TEF: variants seen among roughly 807,000 people sequenced by gnomAD.
The protein encoded by TEF is TEF transcription factor, PAR bZIP family member.
TEF carries 3 observed loss-of-function variants against 20.8 expected under a neutral mutation model. The observed-to-expected ratio is 0.14, with a 90% CI of 0.07 to 0.37. TEF has a LOEUF of 0.37. Among genes scored for constraint, TEF ranks in the 10% least tolerant of loss-of-function variants. TEF has a pLI of 1.00. For synonymous variants in TEF, 180 were observed against 171.1 expected (o/e 1.05, Z -0.41); for missense variants, 296 against 397.9 (o/e 0.74, Z 2.18).
At chr22:41,375,372 G>A (rs903290568) in intron 1 of TEF, among the ~76,000 whole-genome samples, 7 of 152,208 alleles carry the variant, frequency 4.6e-5, no homozygotes, top group Admixed American at 1.3e-4. Context: ...GCTTGTGCGG[G>A]CAGACTTGCC....
upstream of TEF, among the ~76,000 whole-genome samples, chr22:41,381,567 G>C (rs886581367): frequency 6.6e-6 from 1 of 152,226 alleles, no homozygotes. Context: ...TCGGGGACAA[G>C]AGGGAGAGGC....
chr22:41,395,708 G>A (rs943711284), intron 3 of TEF, 37 bp from the exon 4 acceptor site: 1 of 1,600,008 alleles, frequency 6.2e-7, no homozygotes, highest in Non-Finnish European at 8.6e-7. Context: ...CTCTCGTGGG[G>A]AAAGACGAGA....
intron 2 of TEF, among the ~76,000 whole-genome samples, chr22:41,389,880 G>A (rs1352846849): frequency 6.6e-6 from 1 of 152,040 alleles, no homozygotes; most frequent in Non-Finnish European, 1.5e-5. Context: ...GAATAATGCT[G>A]CCATGAACAT....
At chr22:41,380,653 T>C (rs546112574), upstream of TEF, among the ~76,000 whole-genome samples, 24 of 152,302 alleles carry the variant, frequency 1.6e-4, no homozygotes, top group South Asian at 4.1e-4. Context: ...GGGAGTCTAA[T>C]GTTGCCTGGG....
chr22:41,395,109 C>T (rs1309451020), intron 3 of TEF, among the ~76,000 whole-genome samples: 2 of 152,154 alleles, frequency 1.3e-5, no homozygotes, highest in Non-Finnish European at 2.9e-5. Flanking sequence ...CAGGTTCAAC[C>T]GATTCTTGTG....
chr22:41,368,697 G>A (rs989283718), intron 1 of TEF, among the ~76,000 whole-genome samples: 5 of 152,146 alleles, frequency 3.3e-5, no homozygotes, highest in Non-Finnish European at 4.4e-5. Context: ...CAGGGGCTCC[G>A]GAGCTCTCGC....
At chr22:41,373,309 AG>A (rs2036904260) in intron 1 of TEF, among the ~76,000 whole-genome samples, 1 of 152,162 alleles carries the variant, frequency 6.6e-6, no homozygotes, top group Non-Finnish European at 1.5e-5. Flanking sequence ...TGAATACCAC[AG>A]GGATTAGGAA....
intron 1 of TEF, chr22:41,382,967 C>G (rs1034313021): frequency 2.3e-5 from 11 of 470,978 alleles, no homozygotes; most frequent in African/African-American, 1.0e-4. Flanking sequence ...AGGAACGTCA[C>G]TGGGGCGTAT....
At chr22:41,372,506 G>A (rs1029448069) in intron 1 of TEF, among the ~76,000 whole-genome samples, 1 of 152,142 alleles carries the variant, frequency 6.6e-6, no homozygotes, top group East Asian at 1.9e-4. Flanking sequence ...GGACATCGAC[G>A]CTCAGAGAGA....
chr22:41,395,143 A>G (rs1254140000), intron 3 of TEF, among the ~76,000 whole-genome samples: 1 of 152,056 alleles, frequency 6.6e-6, no homozygotes, highest in East Asian at 1.9e-4. Flanking sequence ...AGTAGCTGAG[A>G]TTACAGATGT....
Position 41,396,942 on chromosome 22 carries a change from A to G in TEF, c.*982A>G. The G allele has an allele frequency of 5.0e-6, 2 of 398,488 alleles. No homozygotes were observed. The highest frequency in any genetic ancestry group is 8.8e-6 in the Non-Finnish European group (2 of 226,082). 24.7% of individuals were successfully genotyped at this position (398,488 alleles called of 1,614,324 possible). The stretch of plus-strand genomic sequence containing the variant: ...AATGCCTCCACAGCCCCCTTCCACC[A>G]TGGGCATGAGAGCTGGGGTGTGTTT... On this transcript the variant is annotated 3_prime_UTR_variant, in exon 4 of 4. Coordinates refer to ENST00000266304, the MANE Select transcript of TEF (RefSeq NM_003216.4).
intron 1 of TEF, 134 bp downstream of exon 1, chr22:41,382,335 C>A: frequency 1.2e-6 from 1 of 820,494 alleles, no homozygotes; most frequent in Non-Finnish European, 1.6e-6. Context: ...CCTGGATGAC[C>A]AGGAGCCTGG....
At chr22:41,389,232 C>T (rs1979622694) in intron 2 of TEF, among the ~76,000 whole-genome samples, 1 of 152,056 alleles carries the variant, frequency 6.6e-6, no homozygotes, top group African/African-American at 2.4e-5. Flanking sequence ...AACCCCATCT[C>T]TACTAAAAAG....
chr22:41,380,777 G>C (rs1249388078), upstream of TEF, among the ~76,000 whole-genome samples: 1 of 152,164 alleles, frequency 6.6e-6, no homozygotes, highest in Non-Finnish European at 1.5e-5. Flanking sequence ...GGATTTCTGC[G>C]GAACTCCCGG....
chr22:41,394,058 T>C, intron 2 of TEF, 38 bp from the exon 3 acceptor site: 1 of 1,596,742 alleles, frequency 6.3e-7, no homozygotes. Context: ...CTCTGTCCAG[T>C]GGGCTGCTTC....
chr22:41,393,005 A>G (rs117382421), intron 2 of TEF, among the ~76,000 whole-genome samples: 1,593 of 151,860 alleles, frequency 0.01, 9 homozygotes, highest in Non-Finnish European at 0.015. Context: ...AGTGCACTCT[A>G]CCCTGAGTGA....
chr22:41,382,217 T>TGGTCCGCGCGGGCTGGGGGC lies in TEF; in HGVS notation c.157+19_157+38dup. The TGGTCCGCGCGGGCTGGGGGC allele has an allele frequency of 2.2e-6, 2 of 909,660 alleles. No individual in the cohort carries two copies. The highest frequency in any genetic ancestry group is 2.8e-5 in the African/African-American group (1 of 35,788). The allele number at this position is 909,660 out of a possible 1,614,324, so 56.3% of individuals were successfully genotyped here. A position where few individuals can be genotyped will look rare whatever the true frequency, so the allele number is the denominator to read the frequency against. ...GCGCGCCTCGGTGAGGGCGGGGGGG[T>TGGTCCGCGCGGGCTGGGGGC]GGTCCGCGCGGGCTGGGGGCGGGGC... On this transcript the variant is annotated intron_variant, in intron 1 of 3. Transcript: ENST00000266304.
intron 1 of TEF, among the ~76,000 whole-genome samples, chr22:41,386,655 A>G (rs2037101202): frequency 6.6e-6 from 1 of 152,134 alleles, no homozygotes; most frequent in African/African-American, 2.4e-5. Flanking sequence ...AGACAGGAGA[A>G]TTGCTTGAAC....
At chr22:41,381,275 C>G (rs2145975102), upstream of TEF, among the ~76,000 whole-genome samples, 1 of 152,298 alleles carries the variant, frequency 6.6e-6, no homozygotes, top group East Asian at 1.9e-4. Context: ...GGCAGAGTCC[C>G]CAGAACAAAA....
Sources: allele counts gnomAD v4.1 joint callset (sites outside exome capture counted in the v4.1 genomes callset), GRCh38; gene constraint gnomAD v4.1.1; transcripts MANE v1.5; gene names NCBI Gene and HGNC (gene_info 2026-07-23, HGNC 2026-07-21).